The following FCN1 variants were observed in gnomAD, a reference collection of about 807,000 sequenced individuals.
FCN1 encodes ficolin 1.
In FCN1, 42 loss-of-function variants were observed where a neutral mutation model predicts 35.6. That is an observed-to-expected ratio of 1.18 (90% confidence interval 0.92 to 1.53). The LOEUF (loss-of-function observed/expected upper bound fraction) is 1.53, where lower values mean the gene tolerates loss of function less well. Among genes scored for constraint, FCN1 ranks in the 40% most tolerant of loss-of-function variants. The pLI is 0.00. For missense variants in FCN1, 439 were observed against 428.4 expected, an observed-to-expected ratio of 1.02 and a Z score of -0.22; for synonymous variants, 179 against 169.8, an observed-to-expected ratio of 1.05 and a Z score of -0.42.
chr9:134,915,918 A>G (rs1313284974), intron 2 of FCN1, among the ~76,000 whole-genome samples: 2 of 152,202 alleles, frequency 1.3e-5, no homozygotes, highest in African/African-American at 4.8e-5. Context: ...TCCAAGTCCC[A>G]GCCCCACTCC....
At chr9:134,915,594 C>T (rs535402438) in intron 2 of FCN1, among the ~76,000 whole-genome samples, 65 of 152,292 alleles carry the variant, frequency 4.3e-4, no homozygotes, top group African/African-American at 1.5e-3. Flanking sequence ...GCCCCGGACA[C>T]CCACACGGAA....
chr9:134,909,522 A>C lies in FCN1; in HGVS notation c.*276T>G. ...ATTCCAGGGAAAGACCTGCCGTGCA[A>C]CAGACACAGGAAAGTGATCAAAACC... is the stretch of plus-strand genomic sequence containing the variant. On this transcript the variant is annotated 3_prime_UTR_variant, in exon 9 of 9. Transcript: ENST00000371806. The C allele has an allele frequency of 7.3e-7, 1 of 1,368,790 alleles. No homozygotes were observed. The allele number at this position is 1,368,790 out of a possible 1,614,324, so 84.8% of individuals were successfully genotyped here.
rs957494167 is a variant in FCN1, at chr9:134,912,060, G to A, written c.598+426C>T. Among the ~76,000 whole-genome samples the A allele has an allele frequency of 3.9e-5, 6 of 152,214 alleles. No homozygotes were observed. In the East Asian group the frequency reaches 7.7e-4, roughly 20 times the overall value. ...CATCCCCTGCCCCAGAGGGTTGGGG[G>A]GAGGCCCTCTCACTCAGGTGAGTGC... On this transcript the variant is annotated intron_variant, in intron 7 of 8. Transcript: ENST00000371806.
Position 134,909,869 on chromosome 9 carries a change from T to TAC in FCN1, c.908_909dup (p.Ile304ValfsTer19). The TAC allele has an allele frequency of 6.2e-7, 1 of 1,614,138 alleles. No homozygotes were observed. The highest frequency in any genetic ancestry group is 8.5e-7 in the Non-Finnish European group (1 of 1,180,034). ...TACCCCTTCGCCGCACTCCAGTTGA[T>TAC]ACCATTGGCATAGCTCTCATGGGGT... On this transcript the variant is annotated frameshift_variant, in exon 9 of 9. Coordinates refer to ENST00000371806, the MANE Select transcript of FCN1 (RefSeq NM_002003.5). LOFTEE classifies it low-confidence loss of function (END_TRUNC).
In FCN1 at chr9:134,913,153, G is replaced by C; in HGVS notation, c.341-10C>G. 6.2e-7 allele frequency: 1 copy of C among 1,613,534 alleles called. No individual in the cohort carries two copies. The highest frequency in any genetic ancestry group is 1.1e-5 in the South Asian group (1 of 90,936). ...TTGCAGTTGCGTGGGCCTGGGAAGGGAACCCGGGGAATGGCTGCAGGACGG... is the reference window on the plus strand; with the variant it reads ...TTGCAGTTGCGTGGGCCTGGGAAGGCAACCCGGGGAATGGCTGCAGGACGG... On this transcript the variant is annotated splice_polypyrimidine_tract_variant and intron_variant, in intron 5 of 8. Coordinates refer to ENST00000371806, the MANE Select transcript of FCN1 (RefSeq NM_002003.5).
intron 4 of FCN1, among the ~76,000 whole-genome samples, 178 bp from the exon 5 acceptor site, chr9:134,913,791 C>T (rs1831057606): frequency 6.6e-6 from 1 of 152,208 alleles, no homozygotes; most frequent in Non-Finnish European, 1.5e-5. Flanking sequence ...CCCAGAGGCA[C>T]CAGCCACATG....
In FCN1 at chr9:134,909,938, C is replaced by T. The variant is rs372242075; in HGVS notation, c.841G>A (p.Ala281Thr). The T allele has an allele frequency of 7.4e-6, 12 of 1,613,986 alleles. 1 individual carries two copies. In the Admixed American group the frequency reaches 8.3e-5, roughly 11 times the overall value. Residue 281 changes from alanine (A) to threonine (T), a missense_variant, in exon 9 of 9, where the codon GCC becomes ACC. Physicochemically the swap from Ala to Thr is moderately conservative, Grantham distance 58. Coordinates refer to ENST00000371806, the MANE Select transcript of FCN1 (RefSeq NM_002003.5). ...TTGAGGTTTGAAGCATGACAGTCGG[C>T]GTACCACCAGGCTCCTTGGAACTTC... ...AEKFQGAWWY[A>T]DCHASNLNGL...
intron 6 of FCN1, among the ~76,000 whole-genome samples, 165 bp downstream of exon 6, chr9:134,912,851 G>A (rs1413984533): frequency 1.3e-5 from 2 of 152,150 alleles, no homozygotes; most frequent in East Asian, 1.9e-4. Flanking sequence ...TCCCCTCCCA[G>A]CCTCCCCGAT....
rs1215099602 is a variant in FCN1 at position 134,904,166 on chromosome 9, C to G, written c.*5632G>C. On this transcript the variant is annotated 3_prime_UTR_variant, in exon 9 of 9. Coordinates refer to ENST00000371806, the MANE Select transcript of FCN1 (RefSeq NM_002003.5). ...CATCAAGTCACAGATTCTATGAACC[C>G]CAAGCAAGACAAATTCAGAGAAAGT... 6.6e-6 allele frequency among the ~76,000 whole-genome samples: 1 copy of G among 152,078 alleles called. No homozygotes were observed. The highest frequency in any genetic ancestry group is 2.4e-5 in the African/African-American group (1 of 41,414).
Position 134,905,183 on chromosome 9 carries a change from G to A in FCN1, c.*4615C>T, listed in dbSNP as rs1475064301. 2.0e-5 allele frequency among the ~76,000 whole-genome samples: 3 copies of A among 152,128 alleles called. No individual in the cohort carries two copies. The highest frequency in any genetic ancestry group is 1.9e-4 in the East Asian group (1 of 5,184). ...GTTATAAGCTGATAGAGGAGGTGAC[G>A]GGATAATAAAAATATTCAACAAAGA... is the stretch of plus-strand genomic sequence containing the variant. On this transcript the variant is annotated 3_prime_UTR_variant, in exon 9 of 9. Transcript: ENST00000371806.
chr9:134,910,427 G>A (rs572777776), intron 8 of FCN1, among the ~76,000 whole-genome samples: 70 of 152,258 alleles, frequency 4.6e-4, no homozygotes, highest in African/African-American at 1.5e-3. Context: ...TCACCTGGGG[G>A]CTTCTCCTCT....
rs78549259 is a variant in FCN1 at position 134,909,168 on chromosome 9, G to A, written c.*630C>T. ...TCTCTGTGCAGGTGGCTGACCAGGC[G>A]CTCACTTAGTGAGTGCTAAGTGTTT... is the stretch of plus-strand genomic sequence containing the variant. On this transcript the variant is annotated 3_prime_UTR_variant, in exon 9 of 9. Coordinates refer to ENST00000371806, the MANE Select transcript of FCN1 (RefSeq NM_002003.5). 15,098 of 1,264,772 alleles carry A rather than the reference G, an allele frequency of 0.012. 648 individuals carry two copies. Among genetic ancestry groups the A allele is most frequent in the South Asian group, 0.096 (7,601 of 79,192 alleles). 78.3% of individuals were successfully genotyped at this position (1,264,772 alleles called of 1,614,324 possible).
Position 134,909,906 on chromosome 9 carries a change from G to C in FCN1, c.873C>G (p.Leu291=), listed in dbSNP as rs1166830005. ...ADCHASNLNG[L]YLMGPHESYA... is the part of the protein sequence containing the mutation. The stretch of plus-strand genomic sequence containing the variant: ...AGCTCTCATGGGGTCCCATGAGGTA[G>C]AGACCATTGAGGTTTGAAGCATGAC... Residue 291 remains leucine (L), a synonymous_variant, in exon 9 of 9, where the codon CTC becomes CTG. Transcript: ENST00000371806. 6.2e-7 allele frequency: 1 copy of C among 1,614,170 alleles called. No homozygotes were observed. Among genetic ancestry groups the C allele is most frequent in the Non-Finnish European group, 8.5e-7 (1 of 1,180,034 alleles).
rs372481764 is a variant in FCN1 at position 134,905,451 on chromosome 9, T to C, written c.*4347A>G. Among the ~76,000 whole-genome samples, 19 of 152,310 alleles carry C rather than the reference T, an allele frequency of 1.2e-4. No individual in the cohort carries two copies. Among genetic ancestry groups the C allele is most frequent in the African/African-American group, 4.3e-4 (18 of 41,566 alleles). ...ATGTGAGTTGGGGAGGAATTGGTGATGGGAAAAGACTCTTCATCTCTTCAT... is the reference window on the plus strand; with the variant it reads ...ATGTGAGTTGGGGAGGAATTGGTGACGGGAAAAGACTCTTCATCTCTTCAT... On this transcript the variant is annotated 3_prime_UTR_variant, in exon 9 of 9. Transcript: ENST00000371806.
At position 134,909,834 on chromosome 9, in the gene FCN1, G is replaced by A; in HGVS notation, c.945C>T (p.Ser315=). ...NWSAAKGYKY[S]YKVSEMKVRP... is the part of the protein sequence containing the mutation. ...GCACCTTCATCTCTGACACCTTGTA[G>A]CTATATTTGTACCCCTTCGCCGCAC... is the stretch of plus-strand genomic sequence containing the variant. The change falls in exon 9 of 9, where the codon AGC becomes AGT. Residue 315 remains serine, a synonymous_variant. Transcript: ENST00000371806. The A allele has an allele frequency of 1.9e-6, 3 of 1,614,082 alleles. No individual in the cohort carries two copies. Among genetic ancestry groups the A allele is most frequent in the African/African-American group, 1.3e-5 (1 of 75,012 alleles).
intron 5 of FCN1, among the ~76,000 whole-genome samples, chr9:134,913,357 C>A (rs1285925389): frequency 6.6e-6 from 1 of 152,232 alleles, no homozygotes; most frequent in East Asian, 1.9e-4. Flanking sequence ...GTGTCTGCCC[C>A]ACCTTTGCCT....
rs991409165 is a variant in FCN1, at chr9:134,903,269, T to C, written c.*6529A>G. Among the ~76,000 whole-genome samples the C allele has an allele frequency of 2.1e-4, 32 of 152,310 alleles. No individual in the cohort carries two copies. The highest frequency in any genetic ancestry group is 1.4e-3 in the Admixed American group (22 of 15,304). On this transcript the variant is annotated 3_prime_UTR_variant, in exon 9 of 9. Transcript: ENST00000371806. ...CTATTAATCAGTTTATTAATCTATTTTTTATATATAGACTTTTCAGTAGAC... is the reference window on the plus strand; with the variant it reads ...CTATTAATCAGTTTATTAATCTATTCTTTATATATAGACTTTTCAGTAGAC...
chr9:134,917,898 TCCCC>T lies in FCN1; in HGVS notation c.-31_-28del, dbSNP rs1305323794. On this transcript the variant is annotated 5_prime_UTR_variant, in exon 1 of 9. Coordinates refer to ENST00000371806, the MANE Select transcript of FCN1 (RefSeq NM_002003.5). ...CTCTCTGGCCTTTGACTCTGAAGAGTCCCCCAGCTCTAACAGGGCAGAGGAAACC... is the reference window on the plus strand; with the variant it reads ...CTCTCTGGCCTTTGACTCTGAAGAGTCAGCTCTAACAGGGCAGAGGAAACC... 2.6e-6 allele frequency: 4 copies of T among 1,520,978 alleles called. No individual in the cohort carries two copies. In the African/African-American group the frequency reaches 5.5e-5, roughly 21 times the overall value. 94.2% of individuals were successfully genotyped at this position (1,520,978 alleles called of 1,614,324 possible). A position where few individuals can be genotyped will look rare whatever the true frequency, so the allele number is the denominator to read the frequency against.
Position 134,908,576 on chromosome 9 carries a change from C to G in FCN1, c.*1222G>C, listed in dbSNP as rs535531812. The G allele has an allele frequency of 4.6e-4, 71 of 153,700 alleles. No individual in the cohort carries two copies. Among genetic ancestry groups the G allele is most frequent in the Non-Finnish European group, 8.5e-4 (59 of 69,256 alleles). 9.5% of individuals were successfully genotyped at this position (153,700 alleles called of 1,614,324 possible). A position where few individuals can be genotyped will look rare whatever the true frequency, so the allele number is the denominator to read the frequency against. ...GGAGTGGAGACCCTGTCCCATGGGGCTTGGGGGGAGAGGGGACAACGGATG... is the reference window on the plus strand; with the variant it reads ...GGAGTGGAGACCCTGTCCCATGGGGGTTGGGGGGAGAGGGGACAACGGATG... On this transcript the variant is annotated 3_prime_UTR_variant, in exon 9 of 9. Coordinates refer to ENST00000371806, the MANE Select transcript of FCN1 (RefSeq NM_002003.5).
Sources: allele counts gnomAD v4.1 joint callset (sites outside exome capture counted in the v4.1 genomes callset), GRCh38; gene constraint gnomAD v4.1.1; transcripts MANE v1.5; gene names NCBI Gene and HGNC (gene_info 2026-07-23, HGNC 2026-07-21).